Variants in CACHD1 observed in about 807,000 individuals in gnomAD.
CACHD1 encodes VWFA and cache domain-containing protein 1.
Under a neutral mutation model 138.7 loss-of-function variants are expected in CACHD1, and 71 were observed. The ratio of observed to expected loss-of-function variants is 0.51; its 90% CI spans 0.42 to 0.62. The LOEUF (loss-of-function observed/expected upper bound fraction) is 0.62, where lower values mean the gene tolerates loss of function less well. Ranked by LOEUF, CACHD1 falls within the 20% of genes least tolerant of loss-of-function variation. The pLI is 0.00. For missense variants in CACHD1, 1,389 were observed against 1,625.3 expected, an observed-to-expected ratio of 0.85 and a Z score of 2.50; for synonymous variants, 578 against 591.5, an observed-to-expected ratio of 0.98 and a Z score of 0.33.
At chr1:64,501,082 A>T (rs1217842480) in intron 1 of CACHD1, among the ~76,000 whole-genome samples, 1 of 151,758 alleles carries the variant, frequency 6.6e-6, no homozygotes, top group Non-Finnish European at 1.5e-5. Context: ...AGAGAAAATT[A>T]ACCTATTTTA....
chr1:64,542,141 T>C (rs745960730), intron 1 of CACHD1, among the ~76,000 whole-genome samples: 2 of 152,176 alleles, frequency 1.3e-5, no homozygotes, highest in Non-Finnish European at 2.9e-5. Context: ...ATGAGATAAA[T>C]GAGTTATGTA....
Position 64,682,040 on chromosome 1 carries a change from C to T in CACHD1, c.3520C>T (p.Arg1174Ter). 2 of 1,614,086 alleles carry T rather than the reference C, an allele frequency of 1.2e-6. No homozygotes were observed. Among genetic ancestry groups the T allele is most frequent in the Non-Finnish European group, 1.7e-6 (2 of 1,180,002 alleles). Residue 1174 changes from arginine (R) to a stop codon, truncating the protein, a stop_gained, in exon 26 of 27, where the codon CGA (arginine) becomes TGA (stop). Coordinates refer to ENST00000651257, the MANE Select transcript of CACHD1 (RefSeq NM_020925.4). LOFTEE classifies it high-confidence loss of function. ...TCGGTTTATAGCTGCGGTCATCGAA[C>T]GACATGCACACAGTCCAGAAAGAAG... ...NTRFIAAVIE[R>*]HAHSPERRRR...
chr1:64,530,485 G>C (rs7547722), intron 1 of CACHD1, among the ~76,000 whole-genome samples: 5,123 of 152,164 alleles, frequency 0.034, 136 homozygotes, highest in African/African-American at 0.067. Context: ...CATACCTTTA[G>C]CCTTATTTAC....
At chr1:64,655,523 C>T (rs1443626295) in intron 12 of CACHD1, among the ~76,000 whole-genome samples, 1 of 152,166 alleles carries the variant, frequency 6.6e-6, no homozygotes, top group Non-Finnish European at 1.5e-5. Context: ...TACCTTCCGA[C>T]ATTCTCTAAG....
At chr1:64,507,639 T>G (rs1646387849) in intron 1 of CACHD1, among the ~76,000 whole-genome samples, 1 of 152,150 alleles carries the variant, frequency 6.6e-6, no homozygotes, top group African/African-American at 2.4e-5. Context: ...ATGTGGAAAC[T>G]CAGGTTGTAT....
At chr1:64,657,990 T>A (rs1649321508) in intron 12 of CACHD1, among the ~76,000 whole-genome samples, 1 of 152,242 alleles carries the variant, frequency 6.6e-6, no homozygotes, top group Admixed American at 6.5e-5. Flanking sequence ...TGTTGAAGCA[T>A]CCATTTCTAG....
At chr1:64,590,529 G>A (rs1570396525) in intron 3 of CACHD1, among the ~76,000 whole-genome samples, 1 of 152,062 alleles carries the variant, frequency 6.6e-6, no homozygotes, top group East Asian at 1.9e-4. Context: ...TACTCAGAGG[G>A]TTGTTTTTAA....
intron 3 of CACHD1, among the ~76,000 whole-genome samples, chr1:64,592,678 G>C (rs1269964187): frequency 6.6e-6 from 1 of 152,188 alleles, no homozygotes; most frequent in East Asian, 1.9e-4. Context: ...CACTAGGTCA[G>C]CTACACAAAT....
At chr1:64,491,569 C>T (rs1406975153) in intron 1 of CACHD1, among the ~76,000 whole-genome samples, 1 of 152,096 alleles carries the variant, frequency 6.6e-6, no homozygotes, top group Non-Finnish European at 1.5e-5. Flanking sequence ...GAAATCCACC[C>T]CCATGATTCA....
At chr1:64,683,733 C>G (rs1181639309) in intron 26 of CACHD1, among the ~76,000 whole-genome samples, 1 of 152,180 alleles carries the variant, frequency 6.6e-6, no homozygotes, top group Non-Finnish European at 1.5e-5. Flanking sequence ...AGACAGAATG[C>G]AACACCAAAA....
intron 1 of CACHD1, among the ~76,000 whole-genome samples, chr1:64,485,014 A>G (rs548001429): frequency 1.2e-4 from 18 of 152,312 alleles, no homozygotes; most frequent in Admixed American, 2.0e-4. Flanking sequence ...GCTAGATCAT[A>G]TGGTAATTCT....
chr1:64,641,993 C>T (rs778908494), intron 8 of CACHD1, 24 bp downstream of exon 8: 2 of 1,524,392 alleles, frequency 1.3e-6, no homozygotes, highest in Non-Finnish European at 1.8e-6. Flanking sequence ...CAAGATATTC[C>T]TTTCAGATCA....
At chr1:64,520,637 C>G (rs868754185) in intron 1 of CACHD1, among the ~76,000 whole-genome samples, 2 of 152,228 alleles carry the variant, frequency 1.3e-5, no homozygotes, top group African/African-American at 4.8e-5. Flanking sequence ...GTGGAAACCA[C>G]TGTTACTAAT....
intron 1 of CACHD1, among the ~76,000 whole-genome samples, chr1:64,474,943 G>A (rs1007810517): frequency 6.6e-6 from 1 of 152,148 alleles, no homozygotes; most frequent in Non-Finnish European, 1.5e-5. Flanking sequence ...GGAGGAGCAG[G>A]GTTTCTTCCA....
chr1:64,634,086 C>G lies in CACHD1; in HGVS notation c.832C>G (p.Leu278Val). Residue 278 changes from leucine to valine, a missense_variant, in exon 7 of 27, where the codon CTA (leucine) becomes GTA (valine). Physicochemically the swap from Leu to Val is conservative, Grantham distance 32 (BLOSUM62 1). Coordinates refer to ENST00000651257, the MANE Select transcript of CACHD1 (RefSeq NM_020925.4). ...GGCAGATACCGTCCGGACTTGCTCA[C>G]TAGACCAGTGCTATAAGACCTTCTT... is the stretch of plus-strand genomic sequence containing the variant. ...TVADTVRTCS[L>V]DQCYKTFLSP... 6.2e-7 allele frequency: 1 copy of G among 1,612,344 alleles called. No homozygotes were observed. The highest frequency in any genetic ancestry group is 1.1e-5 in the South Asian group (1 of 91,034).
intron 2 of CACHD1, among the ~76,000 whole-genome samples, chr1:64,581,372 A>G (rs1647011246): frequency 6.6e-6 from 1 of 152,174 alleles, no homozygotes; most frequent in African/African-American, 2.4e-5. Context: ...TTTGGGTAAC[A>G]TTTTGTTTAA....
At chr1:64,558,489 A>G (rs1646815056) in intron 2 of CACHD1, among the ~76,000 whole-genome samples, 1 of 152,058 alleles carries the variant, frequency 6.6e-6, no homozygotes, top group African/African-American at 2.4e-5. Flanking sequence ...CCTATCACTT[A>G]TCACTTTTTG....
Position 64,564,209 on chromosome 1 carries a change from A to G in CACHD1, c.261+13553A>G, listed in dbSNP as rs184858042. 6.6e-5 allele frequency among the ~76,000 whole-genome samples: 10 copies of G among 152,340 alleles called. No individual in the cohort carries two copies. The East Asian group carries it at 1.9e-3, about 29-fold the overall frequency. ...CCCTGGGAATTTTATCAACCAGGGAAGATTAACTTGGATCACAGGAGGGGA... is the reference window on the plus strand; with the variant it reads ...CCCTGGGAATTTTATCAACCAGGGAGGATTAACTTGGATCACAGGAGGGGA... On this transcript the variant is annotated intron_variant, in intron 2 of 26. Transcript: ENST00000651257.
intron 8 of CACHD1, among the ~76,000 whole-genome samples, chr1:64,645,758 G>T (rs867463803): frequency 1.3e-5 from 2 of 152,280 alleles, no homozygotes; most frequent in Middle Eastern, 3.4e-3. Flanking sequence ...CATGGCTGGG[G>T]TTGCTATCAG....
Sources: gnomAD v4.1 joint callset for allele counts (sites outside exome capture counted in the v4.1 genomes callset) on GRCh38, gnomAD v4.1.1 for gene constraint, MANE v1.5 for transcripts, NCBI Gene and HGNC (gene_info 2026-07-23, HGNC 2026-07-21) for gene names.